The following CR2 variants were observed in gnomAD, a reference collection of about 807,000 sequenced individuals.
CR2 encodes complement C3d receptor 2.
In CR2, 96 loss-of-function variants were observed where a neutral mutation model predicts 123.0. The observed-to-expected ratio is 0.78, with a 90% CI of 0.66 to 0.93. The LOEUF (loss-of-function observed/expected upper bound fraction) is 0.93, where lower values mean the gene tolerates loss of function less well. CR2 is among the 40% of genes least tolerant of loss of function. The probability of loss-of-function intolerance (pLI) is 0.00; values close to 1 mark genes in which losing one functional copy is unlikely to be tolerated. For synonymous variants in CR2, 484 were observed against 469.5 expected, an observed-to-expected ratio of 1.03 and a Z score of -0.40; for missense variants, 1,258 against 1,361.0, an observed-to-expected ratio of 0.92 and a Z score of 1.19.
chr1:207,466,410 A>G (rs768647222), intron 1 of CR2, 116 bp from the exon 2 acceptor site: 32 of 1,221,320 alleles, frequency 2.6e-5, no homozygotes, highest in Non-Finnish European at 3.6e-5. Flanking sequence ...AACTATACAT[A>G]TTTCTAAGTC....
chr1:207,481,642 C>A (rs1658605720), intron 18 of CR2, among the ~76,000 whole-genome samples: 1 of 152,084 alleles, frequency 6.6e-6, no homozygotes, highest in Non-Finnish European at 1.5e-5. Flanking sequence ...CTGACCTCTT[C>A]ATGATATTCA....
intron 18 of CR2, 112 bp downstream of exon 18, chr1:207,480,165 T>TAACTA: frequency 1.2e-6 from 1 of 802,542 alleles, no homozygotes; most frequent in Admixed American, 1.9e-5. Flanking sequence ...TGCAATGTGA[T>TAACTA]AACTAAATGA....
rs772865066 is a variant in CR2, at chr1:207,473,166, A to G, written c.1965A>G (p.Pro655=). The part of the protein sequence containing the change: ...KADNTWDPEI[P]VCEKGCQSPP... ...ATAACACCTGGGATCCTGAAATACCAGTTTGTGAAAAAGGTAAAAACCCAA... is the reference window on the plus strand; with the variant it reads ...ATAACACCTGGGATCCTGAAATACCGGTTTGTGAAAAAGGTAAAAACCCAA... The change falls in exon 10 of 20, where the codon CCA becomes CCG. Residue 655 remains proline, a synonymous_variant. Transcript: ENST00000367057. The G allele has an allele frequency of 1.2e-5, 20 of 1,613,752 alleles. No homozygotes were observed. The highest frequency in any genetic ancestry group is 1.7e-5 in the Non-Finnish European group (20 of 1,179,876).
chr1:207,487,905 G>A (rs1658792200), intron 19 of CR2, among the ~76,000 whole-genome samples: 1 of 152,208 alleles, frequency 6.6e-6, no homozygotes, highest in South Asian at 2.1e-4. Flanking sequence ...CTCTTCCGAT[G>A]ATTCAGTCTT....
intron 15 of CR2, among the ~76,000 whole-genome samples, chr1:207,476,783 A>G (rs1448650500): frequency 1.3e-5 from 2 of 152,242 alleles, no homozygotes; most frequent in Non-Finnish European, 2.9e-5. Flanking sequence ...ATATTTACTG[A>G]GTGTTGGTGG....
rs9429939 is a variant in CR2 at position 207,486,272 on chromosome 1, A to G, written c.*18+700A>G. On this transcript the variant is annotated intron_variant, in intron 19 of 19. Coordinates refer to ENST00000367057, the MANE Select transcript of CR2 (RefSeq NM_001006658.3). ...AAAAAAAAAAGCCAGCCATGTGGCC[A>G]TATGAGGGAGGAGGATTCCAGAAAG... Among the ~76,000 whole-genome samples, 813 of 147,830 alleles carry G rather than the reference A, an allele frequency of 5.5e-3. 7 individuals carry two copies. The highest frequency in any genetic ancestry group is 0.019 in the African/African-American group (773 of 39,780).
At position 207,474,806 on chromosome 1, in the gene CR2, C is replaced by T. The variant is rs1301321641; in HGVS notation, c.2324-18C>T. On this transcript the variant is annotated intron_variant, in intron 13 of 19. Transcript: ENST00000367057. ...TGAGGTACTAGCTGAAGTAGAACTC[C>T]CTAAATCTCTTCTGCAGTTATTCAC... 12 of 1,613,678 alleles carry T rather than the reference C, an allele frequency of 7.4e-6. No homozygotes were observed. Among genetic ancestry groups the T allele is most frequent in the Non-Finnish European group, 1.0e-5 (12 of 1,179,822 alleles).
At chr1:207,482,006 G>T (rs945226425) in intron 18 of CR2, among the ~76,000 whole-genome samples, 2 of 151,898 alleles carry the variant, frequency 1.3e-5, no homozygotes, top group Non-Finnish European at 2.9e-5. Flanking sequence ...TTACTGAGAA[G>T]AATTTTAAGG....
chr1:207,472,328 G>T (rs958279958), intron 9 of CR2, among the ~76,000 whole-genome samples: 2 of 151,980 alleles, frequency 1.3e-5, no homozygotes, highest in Non-Finnish European at 2.9e-5. Context: ...TTGTACTATT[G>T]CTACTTTCTG....
chr1:207,483,711 C>T (rs1658670939), intron 18 of CR2, among the ~76,000 whole-genome samples: 1 of 151,828 alleles, frequency 6.6e-6, no homozygotes, highest in South Asian at 2.1e-4. Context: ...TGAGGTGGAC[C>T]CCCTGACTCA....
chr1:207,454,462 C>A lies in CR2; in HGVS notation c.44C>A (p.Ala15Glu). The A allele has an allele frequency of 6.3e-7, 1 of 1,575,336 alleles. No homozygotes were observed. Among genetic ancestry groups the A allele is most frequent in the Non-Finnish European group, 8.6e-7 (1 of 1,166,412 alleles). Residue 15 changes from alanine (A) to glutamate (E), a missense_variant, in exon 1 of 20, where the codon GCA becomes GAA. Transcript: ENST00000367057. The surrounding 1 kb of genome is among the most constrained non-coding windows in gnomAD (Gnocchi z 4.3). ...GLLGVFLALVAPGVLGISCGS... is the reference protein window; with the variant it reads ...GLLGVFLALVEPGVLGISCGS... ...CTCGGGGTTTTCTTGGCTCTCGTCG[C>A]ACCGGGGGTCCTCGGTGAGCTGGGA...
intron 6 of CR2, 93 bp from the exon 7 acceptor site, chr1:207,470,647 G>A (rs1264287418): frequency 1.6e-6 from 2 of 1,252,974 alleles, no homozygotes; most frequent in Admixed American, 1.7e-5. Flanking sequence ...CGCCAGAGTG[G>A]AATTATAGCA....
At chr1:207,466,452 G>A in intron 1 of CR2, 74 bp from the exon 2 acceptor site, 1 of 1,530,782 alleles carries the variant, frequency 6.5e-7, no homozygotes, top group South Asian at 1.1e-5. Context: ...ATCTATATTT[G>A]GATATTTTAC....
intron 2 of CR2, 103 bp from the exon 3 acceptor site, chr1:207,468,424 T>C (rs1658164279): frequency 6.9e-6 from 8 of 1,154,164 alleles, no homozygotes; most frequent in Non-Finnish European, 7.7e-6. Context: ...TTTTTCTTCT[T>C]CCAATGTTGC....
chr1:207,463,890 T>C (rs1389451740), intron 1 of CR2, among the ~76,000 whole-genome samples: 1 of 152,188 alleles, frequency 6.6e-6, no homozygotes, highest in Admixed American at 6.5e-5. Flanking sequence ...CAGAGGGAAA[T>C]TGAGCATCTG....
chr1:207,479,463 G>A (rs920509876), intron 17 of CR2, among the ~76,000 whole-genome samples, 183 bp downstream of exon 17: 1 of 152,118 alleles, frequency 6.6e-6, no homozygotes, highest in South Asian at 2.1e-4. Flanking sequence ...CATAGAGTTG[G>A]ATAAATTATT....
rs930708592 is a variant in CR2, at chr1:207,482,655, G to A, written c.3188+2602G>A. ...CGCTAAACAAGTACCATAAAATAAC[G>A]TCGCCATGGTGGATTATATGATATT... On this transcript the variant is annotated intron_variant, in intron 18 of 19. Coordinates refer to ENST00000367057, the MANE Select transcript of CR2 (RefSeq NM_001006658.3). Among the ~76,000 whole-genome samples the A allele has an allele frequency of 7.2e-5, 11 of 152,224 alleles. No individual in the cohort carries two copies. In the South Asian group the frequency reaches 8.3e-4, roughly 11 times the overall value.
At position 207,468,637 on chromosome 1, in the gene CR2, G is replaced by A. The variant is rs1435094750; in HGVS notation, c.556G>A (p.Gly186Ser). ...GTCTGTGACTTACAGCTGTGAATCT[G>A]GTTACTTGCTTGTTGGAGAAAAGAT... ...GLSVTYSCES[G>S]YLLVGEKIIN... Residue 186 changes from glycine (G) to serine (S), a missense_variant, in exon 3 of 20, where the codon GGT becomes AGT. Physicochemically the swap from Gly to Ser is moderately conservative, Grantham distance 56. Transcript: ENST00000367057. 1.9e-6 allele frequency: 3 copies of A among 1,613,886 alleles called. No homozygotes were observed. The highest frequency in any genetic ancestry group is 2.5e-6 in the Non-Finnish European group (3 of 1,179,974).
intron 18 of CR2, among the ~76,000 whole-genome samples, chr1:207,483,601 T>C (rs1281943386): frequency 6.6e-6 from 1 of 151,922 alleles, no homozygotes; most frequent in African/African-American, 2.4e-5. Flanking sequence ...GAATATTTAA[T>C]AAGAGGTTTT....
Sources: gnomAD v4.1 joint callset for allele counts (sites outside exome capture counted in the v4.1 genomes callset) on GRCh38, gnomAD v4.1.1 for gene constraint, Gnocchi (gnomAD v3.1) non-coding constraint, MANE v1.5 for transcripts, NCBI Gene and HGNC (gene_info 2026-07-23, HGNC 2026-07-21) for gene names.